The following DLC1 variants were observed in gnomAD, a reference collection of about 807,000 sequenced individuals.
DLC1 encodes the protein rho GTPase-activating protein 7.
Under a neutral mutation model 140.3 loss-of-function variants are expected in DLC1, and 54 were observed. The observed-to-expected ratio is 0.38, with a 90% CI of 0.31 to 0.48. The LOEUF (loss-of-function observed/expected upper bound fraction) is 0.48. Among genes scored for constraint, DLC1 ranks in the 20% least tolerant of loss-of-function variants. The probability of loss-of-function intolerance (pLI) is 0.96; values close to 1 mark genes in which losing one functional copy is unlikely to be tolerated. For missense variants in DLC1, 2,536 were observed against 1,907.0 expected, an observed-to-expected ratio of 1.33 and a Z score of -6.14; for synonymous variants, 986 against 728.1, an observed-to-expected ratio of 1.35 and a Z score of -5.70.
intron 1 of DLC1, among the ~76,000 whole-genome samples, chr8:13,513,869 T>C (rs945911822): frequency 9.9e-5 from 15 of 152,136 alleles, no homozygotes; most frequent in Non-Finnish European, 1.3e-4. Context: ...GTCAGTGTCA[T>C]TGAGATTGAC....
chr8:13,535,742 A>T (rs1271344243), intron 1 of DLC1, among the ~76,000 whole-genome samples: 1 of 151,384 alleles, frequency 6.6e-6, no homozygotes, highest in Non-Finnish European at 1.5e-5. Flanking sequence ...AAAATCAGAG[A>T]TTATCATCTA....
At chr8:13,194,563 A>G (rs1327539044) in intron 5 of DLC1, among the ~76,000 whole-genome samples, 1 of 152,360 alleles carries the variant, frequency 6.6e-6, no homozygotes, top group Admixed American at 6.5e-5. Context: ...AACACACCTG[A>G]TTTGGAAGAA....
chr8:13,604,239 A>G (rs1055706587), intron 1 of DLC1, among the ~76,000 whole-genome samples: 2 of 152,154 alleles, frequency 1.3e-5, no homozygotes, highest in South Asian at 2.1e-4. Context: ...AAATTATGTG[A>G]CAGAGGATTA....
At chr8:13,552,651 A>G (rs983595071) in intron 1 of DLC1, among the ~76,000 whole-genome samples, 1 of 151,650 alleles carries the variant, frequency 6.6e-6, no homozygotes, top group Non-Finnish European at 1.5e-5. Flanking sequence ...TTAATTTCTG[A>G]GAATATTAAC....
chr8:13,237,000 CAGG>C (rs1829310821), intron 5 of DLC1, among the ~76,000 whole-genome samples: 1 of 151,928 alleles, frequency 6.6e-6, no homozygotes, highest in Admixed American at 6.6e-5. Flanking sequence ...CTCTCTGTGA[CAGG>C]AGAAGATTGA....
chr8:13,227,318 A>C (rs954524014), intron 5 of DLC1, among the ~76,000 whole-genome samples: 1 of 152,098 alleles, frequency 6.6e-6, no homozygotes, highest in African/African-American at 2.4e-5. Flanking sequence ...AGGTGCTCAT[A>C]TGTTTTATGT....
At chr8:13,127,108 G>GA (rs1340402904) in intron 5 of DLC1, among the ~76,000 whole-genome samples, 1 of 152,194 alleles carries the variant, frequency 6.6e-6, no homozygotes, top group Non-Finnish European at 1.5e-5. Context: ...AAAAGTGTGA[G>GA]AAAAAAGTAA....
chr8:13,532,017 G>A (rs2117308661), intron 1 of DLC1, among the ~76,000 whole-genome samples: 1 of 152,324 alleles, frequency 6.6e-6, no homozygotes. Flanking sequence ...CCAGGCAGAA[G>A]CCTAAGTCTA....
At chr8:13,346,171 C>G (rs1040358937) in intron 4 of DLC1, among the ~76,000 whole-genome samples, 1 of 152,170 alleles carries the variant, frequency 6.6e-6, no homozygotes, top group African/African-American at 2.4e-5. Context: ...ATTAGATAGC[C>G]TTAACCTTGG....
At chr8:13,260,501 G>C (rs1830432567) in intron 5 of DLC1, among the ~76,000 whole-genome samples, 1 of 152,182 alleles carries the variant, frequency 6.6e-6, no homozygotes, top group African/African-American at 2.4e-5. Flanking sequence ...GTTAATTGTG[G>C]AGATAATGAA....
At chr8:13,227,738 T>C (rs1316889250) in intron 5 of DLC1, among the ~76,000 whole-genome samples, 3 of 152,214 alleles carry the variant, frequency 2.0e-5, no homozygotes, top group Non-Finnish European at 4.4e-5. Flanking sequence ...GGATTCCTGA[T>C]GTCATGTAAT....
At chr8:13,156,395 G>A (rs555565983) in intron 5 of DLC1, among the ~76,000 whole-genome samples, 3 of 152,258 alleles carry the variant, frequency 2.0e-5, no homozygotes, top group South Asian at 2.1e-4. Context: ...AGGTGAGAGT[G>A]CGCTGGGTGT....
intron 1 of DLC1, among the ~76,000 whole-genome samples, chr8:13,589,323 A>G (rs1805437112): frequency 6.6e-6 from 1 of 152,126 alleles, no homozygotes; most frequent in African/African-American, 2.4e-5. Flanking sequence ...AAGTCTTTCT[A>G]AGAATGTTTG....
chr8:13,273,686 C>G (rs914595806), intron 5 of DLC1, among the ~76,000 whole-genome samples: 3 of 62,504 alleles, frequency 4.8e-5, no homozygotes, highest in South Asian at 1.0e-3. Context: ...AGAACTGTGC[C>G]TGTGTGTGTG....
Position 13,581,738 on chromosome 8 carries a change from T to A in DLC1, c.-126+22799A>T, listed in dbSNP as rs145294393. On this transcript the variant is annotated intron_variant, in intron 1 of 1. Transcript: ENST00000631382. ...ACTGGGCAGAATCTATTCTATCGCT[T>A]CCCATAGAATAACACCCAACCTCTT... Among the ~76,000 whole-genome samples the A allele has an allele frequency of 4.6e-5, 7 of 152,296 alleles. No homozygotes were observed. The East Asian group carries it at 1.4e-3, about 29-fold the overall frequency.
At chr8:13,369,972 G>A (rs1446172413) in intron 4 of DLC1, among the ~76,000 whole-genome samples, 1 of 151,216 alleles carries the variant, frequency 6.6e-6, no homozygotes, top group Non-Finnish European at 1.5e-5. Context: ...GGCCTCTGAG[G>A]TCTTTGGGAC....
At chr8:13,204,628 A>AT (rs1827564558) in intron 5 of DLC1, among the ~76,000 whole-genome samples, 1 of 152,186 alleles carries the variant, frequency 6.6e-6, no homozygotes, top group South Asian at 2.1e-4. Flanking sequence ...TGGCTATTTC[A>AT]TTTCATTATG....
At chr8:13,203,040 C>G (rs545487107) in intron 5 of DLC1, among the ~76,000 whole-genome samples, 86 of 152,248 alleles carry the variant, frequency 5.6e-4, no homozygotes, top group African/African-American at 2.0e-3. Context: ...GTCAGTCTTT[C>G]ATGAAAACCG....
intron 5 of DLC1, among the ~76,000 whole-genome samples, chr8:13,225,717 A>G (rs1236422366): frequency 1.3e-5 from 2 of 149,564 alleles, no homozygotes; most frequent in Non-Finnish European, 3.0e-5. Context: ...CTGGGTTCAC[A>G]CCATTCTCTT....
Sources: allele counts gnomAD v4.1 joint callset (sites outside exome capture counted in the v4.1 genomes callset), GRCh38; gene constraint gnomAD v4.1.1; transcripts MANE v1.5; gene names NCBI Gene and HGNC (gene_info 2026-07-23, HGNC 2026-07-21).